Variants in PAGE2B observed in about 807,000 individuals in gnomAD.
PAGE2B encodes putative G antigen family E member 3.
PAGE2B carries 5 observed loss-of-function variants against 7.6 expected under a neutral mutation model. The ratio of observed to expected loss-of-function variants is 0.66; its 90% confidence interval spans 0.34 to 1.38. The LOEUF is 1.38. Among genes scored for constraint, PAGE2B ranks in the 40% most tolerant of loss-of-function variants. The pLI is 0.04. For missense variants in PAGE2B, 70 were observed against 78.4 expected, an observed-to-expected ratio of 0.89 and a Z score of 0.41; for synonymous variants, 29 against 26.7, an observed-to-expected ratio of 1.09 and a Z score of -0.27.
At chrX:55,053,364 C>T in the PAGE2B span, among the ~76,000 whole-genome samples, 1 of 111,259 alleles carries the variant, frequency 9.0e-6, no homozygotes, top group Admixed American at 9.6e-5. Flanking sequence ...ACACTGGGGC[C>T]TGTCAAGGGG....
chrX:55,053,653 ACAACATGGT>A, the PAGE2B span, among the ~76,000 whole-genome samples: 1 of 112,207 alleles, frequency 8.9e-6, no homozygotes, highest in African/African-American at 3.2e-5. Flanking sequence ...AGAGGAAATA[ACAACATGGT>A]CACCATCCCA....
At chrX:55,036,965 C>A in the PAGE2B span, among the ~76,000 whole-genome samples, 1 of 110,456 alleles carries the variant, frequency 9.1e-6, no homozygotes, top group Non-Finnish European at 1.9e-5. Context: ...AAAACCTAGG[C>A]AATACCATTC....
At chrX:55,041,044 TG>T in the PAGE2B span, among the ~76,000 whole-genome samples, 2 of 109,384 alleles carry the variant, frequency 1.8e-5, no homozygotes, top group African/African-American at 6.6e-5. Context: ...TCCCATACAG[TG>T]TTACACTTAG....
the PAGE2B span, among the ~76,000 whole-genome samples, chrX:55,067,989 T>A: frequency 8.9e-6 from 1 of 112,492 alleles, no homozygotes; most frequent in South Asian, 3.6e-4. Context: ...GCAAAATTTT[T>A]CTCCCATTCT....
the PAGE2B span, among the ~76,000 whole-genome samples, chrX:55,042,694 A>G: frequency 1.0e-5 from 1 of 99,082 alleles, no homozygotes; most frequent in Non-Finnish European, 2.0e-5. Flanking sequence ...AAAAGAAATC[A>G]TAGAAACACA....
the PAGE2B span, among the ~76,000 whole-genome samples, chrX:55,046,392 G>A: frequency 8.9e-6 from 1 of 111,995 alleles, no homozygotes; most frequent in African/African-American, 3.2e-5. Context: ...GGGATTACAG[G>A]CGTGAGCCAC....
At chrX:55,064,653 T>A in the PAGE2B span, among the ~76,000 whole-genome samples, 1 of 111,088 alleles carries the variant, frequency 9.0e-6, no homozygotes, top group Non-Finnish European at 1.9e-5. Flanking sequence ...TTTTATTCGA[T>A]GTATTTGTTG....
chrX:55,041,759 G>A, the PAGE2B span, among the ~76,000 whole-genome samples: 17 of 111,336 alleles, frequency 1.5e-4, no homozygotes, highest in African/African-American at 4.6e-4. Flanking sequence ...CTGCCGTGGC[G>A]GTTCACATCG....
chrX:55,042,684 A>G, the PAGE2B span, among the ~76,000 whole-genome samples: 2 of 103,004 alleles, frequency 1.9e-5, no homozygotes, highest in African/African-American at 7.2e-5. Context: ...AAAAAAAAAA[A>G]AAAGAAATCA....
the PAGE2B span, among the ~76,000 whole-genome samples, chrX:55,036,299 T>A: frequency 1.5e-3 from 165 of 111,135 alleles, no homozygotes; most frequent in African/African-American, 5.1e-3. Context: ...TATTTCCTTC[T>A]CCTGCCTGAT....
the PAGE2B span, among the ~76,000 whole-genome samples, chrX:55,034,734 GACACAC>G: frequency 3.8e-5 from 4 of 104,857 alleles, no homozygotes; most frequent in African/African-American, 1.4e-4. Context: ...ACTAATAGGA[GACACAC>G]ACACACACAC....
At chrX:55,045,726 T>A in the PAGE2B span, among the ~76,000 whole-genome samples, 2 of 111,181 alleles carry the variant, frequency 1.8e-5, no homozygotes, top group Non-Finnish European at 3.8e-5. Flanking sequence ...GAGGCCCAAG[T>A]CTGAGACATC....
the PAGE2B span, among the ~76,000 whole-genome samples, chrX:55,049,015 AG>A: frequency 2.7e-5 from 3 of 111,844 alleles, no homozygotes; most frequent in Admixed American, 9.5e-5. Context: ...TTTAGCATGA[AG>A]GGTTGTTGAA....
chrX:55,063,063 A>G, the PAGE2B span, among the ~76,000 whole-genome samples: 1 of 111,503 alleles, frequency 9.0e-6, no homozygotes, highest in African/African-American at 3.3e-5. Flanking sequence ...CTTTTTGCTC[A>G]GTATAGCTTT....
At chrX:55,072,067 C>G (rs1936455393), upstream of PAGE2B, among the ~76,000 whole-genome samples, 1 of 112,076 alleles carries the variant, frequency 8.9e-6, no homozygotes, top group African/African-American at 3.2e-5. Context: ...AGTTTGTCAA[C>G]CTCATTCTCT....
chrX:55,048,812 G>A, the PAGE2B span, among the ~76,000 whole-genome samples: 4 of 111,331 alleles, frequency 3.6e-5, no homozygotes, highest in Admixed American at 9.6e-5. Flanking sequence ...TCTCCTGCCT[G>A]ATTGCCCTGG....
the PAGE2B span, among the ~76,000 whole-genome samples, chrX:55,046,474 A>G: frequency 5.4e-5 from 6 of 111,640 alleles, no homozygotes; most frequent in African/African-American, 2.0e-4. Flanking sequence ...AACAACAACA[A>G]AGATGGATTC....
the PAGE2B span, among the ~76,000 whole-genome samples, chrX:55,056,887 A>G: frequency 9.0e-6 from 1 of 111,503 alleles, no homozygotes; most frequent in African/African-American, 3.3e-5. Context: ...GTATTCTAGA[A>G]ACAGAGAGAG....
chrX:55,054,605 T>A, the PAGE2B span, among the ~76,000 whole-genome samples: 1 of 112,529 alleles, frequency 8.9e-6, no homozygotes, highest in Non-Finnish European at 1.9e-5. Context: ...CTATTTCTAA[T>A]ACTGAATAGA....
Sources: allele counts gnomAD v4.1 joint callset (sites outside exome capture counted in the v4.1 genomes callset), GRCh38; gene constraint gnomAD v4.1.1; transcripts MANE v1.5; gene names NCBI Gene and HGNC (gene_info 2026-07-23, HGNC 2026-07-21).